The following TASP1 variants were observed in gnomAD, a reference collection of about 807,000 sequenced individuals.
TASP1 encodes taspase 1.
A neutral mutation model predicts 56.6 loss-of-function variants in TASP1; 16 were observed. The ratio of observed to expected loss-of-function variants is 0.28; its 90% CI spans 0.19 to 0.43. The LOEUF is 0.43. TASP1 is among the 20% of genes least tolerant of loss of function. The pLI, the probability that TASP1 is intolerant of heterozygous loss-of-function variation, is 1.00. For synonymous variants in TASP1, 179 were observed against 184.2 expected, an observed-to-expected ratio of 0.97 and a Z score of 0.23; for missense variants, 393 against 511.6, an observed-to-expected ratio of 0.77 and a Z score of 2.24.
chr20:13,483,096 C>A, intron 11 of TASP1, 131 bp downstream of exon 11: 1 of 565,576 alleles, frequency 1.8e-6, no homozygotes, highest in Admixed American at 3.6e-5. Context: ...TCAGTATTAA[C>A]TGTGGTTCTT....
the TASP1 span, among the ~76,000 whole-genome samples, chr20:13,371,966 C>T: frequency 2.6e-5 from 4 of 152,138 alleles, no homozygotes; most frequent in African/African-American, 9.7e-5. Flanking sequence ...GCCATTACAA[C>T]TTCCATGTGA....
the TASP1 span, among the ~76,000 whole-genome samples, chr20:13,335,410 A>G: frequency 6.6e-6 from 1 of 151,954 alleles, no homozygotes; most frequent in Non-Finnish European, 1.5e-5. Flanking sequence ...AATAGTACAA[A>G]GAAAAGGCCT....
chr20:13,179,117 G>T, the TASP1 span, among the ~76,000 whole-genome samples: 58 of 152,042 alleles, frequency 3.8e-4, no homozygotes, highest in Non-Finnish European at 7.4e-4. Flanking sequence ...ATGAATTGAG[G>T]ATACTACAAA....
At chr20:13,520,848 G>C (rs1003598686) in intron 10 of TASP1, among the ~76,000 whole-genome samples, 15 of 152,216 alleles carry the variant, frequency 9.9e-5, no homozygotes, top group Non-Finnish European at 1.9e-4. Context: ...CCTATAGAAT[G>C]GGAGAAAATT....
At chr20:13,523,329 T>C (rs1384738128) in intron 10 of TASP1, among the ~76,000 whole-genome samples, 1 of 152,130 alleles carries the variant, frequency 6.6e-6, no homozygotes, top group African/African-American at 2.4e-5. Flanking sequence ...CTGCCTGCCT[T>C]CCACATACCC....
chr20:13,401,804 C>T lies in TASP1; in HGVS notation c.1171-11352G>A, dbSNP rs78837863. Among the ~76,000 whole-genome samples the T allele has an allele frequency of 6.2e-3, 944 of 152,216 alleles. 8 individuals carry two copies. The highest frequency in any genetic ancestry group is 0.021 in the African/African-American group (892 of 41,530). ...TTTTTAAGTACATTTGTCTCATTTA[C>T]ATGTCATGGTTATATGTCCTGTGAG... is the stretch of plus-strand genomic sequence containing the variant. On this transcript the variant is annotated intron_variant, in intron 13 of 13. Coordinates refer to ENST00000337743, the MANE Select transcript of TASP1 (RefSeq NM_017714.3).
At chr20:13,310,616 C>A in the TASP1 span, among the ~76,000 whole-genome samples, 1 of 152,124 alleles carries the variant, frequency 6.6e-6, no homozygotes, top group Non-Finnish European at 1.5e-5. Context: ...AGGAAGCAAT[C>A]AACAGAGTAA....
At chr20:13,137,851 C>T in the TASP1 span, among the ~76,000 whole-genome samples, 1 of 152,100 alleles carries the variant, frequency 6.6e-6, no homozygotes, top group Admixed American at 6.6e-5. Context: ...TCATATTTGC[C>T]CCTTCACCAC....
At chr20:13,248,962 G>A in the TASP1 span, among the ~76,000 whole-genome samples, 4 of 152,142 alleles carry the variant, frequency 2.6e-5, no homozygotes, top group East Asian at 3.9e-4. Context: ...CTTCTTAAGC[G>A]GCTTGTACAG....
chr20:13,445,846 T>G (rs1568812151), intron 11 of TASP1, among the ~76,000 whole-genome samples: 1 of 152,162 alleles, frequency 6.6e-6, no homozygotes, highest in East Asian at 1.9e-4. Context: ...GCAGGTAGGG[T>G]GGTATAGATG....
In TASP1 at chr20:13,623,462, G is replaced by A. The variant is rs1209962065; in HGVS notation, c.266C>T (p.Ala89Val). Residue 89 changes from alanine to valine, a missense_variant, in exon 4 of 14, where the codon GCA becomes GTA. This residue lies in a region of TASP1 where 48 missense variants were observed against 106.2 expected (regional missense o/e 0.45). Transcript: ENST00000337743. ...GALATDAVTA[A>V]LVELEDSPFT... ...AAGAAATACCTCAAGTTCCACCAGT[G>A]CTGCAGTGACTGCGTCAGTTGCAAG... 5.6e-6 allele frequency: 9 copies of A among 1,607,510 alleles called. No homozygotes were observed. The highest frequency in any genetic ancestry group is 6.8e-6 in the Non-Finnish European group (8 of 1,174,586).
chr20:13,222,023 C>T, the TASP1 span: 1 of 1,034,388 alleles, frequency 9.7e-7, no homozygotes. Context: ...CCTGCCCCAC[C>T]TAAGAGCAAC....
At chr20:13,550,425 T>C (rs2045943974) in intron 8 of TASP1, among the ~76,000 whole-genome samples, 1 of 152,066 alleles carries the variant, frequency 6.6e-6, no homozygotes, top group African/African-American at 2.4e-5. Context: ...GCTCATCCAG[T>C]AATCAAGATA....
intron 8 of TASP1, among the ~76,000 whole-genome samples, chr20:13,557,572 GTTTTTTTT>G (rs972801507): frequency 1.0e-5 from 1 of 99,762 alleles, no homozygotes; most frequent in East Asian, 2.9e-4. Flanking sequence ...GATGTTTTTG[GTTTTTTTT>G]TTTTTTTTTT....
intron 7 of TASP1, among the ~76,000 whole-genome samples, chr20:13,562,446 CAAAT>C (rs940578604): frequency 8.6e-5 from 13 of 151,226 alleles, no homozygotes; most frequent in African/African-American, 3.2e-4. Context: ...TAGAGAAAAA[CAAAT>C]AAAACCAAAA....
At chr20:13,563,373 A>G (rs957843763) in intron 7 of TASP1, among the ~76,000 whole-genome samples, 1 of 152,008 alleles carries the variant, frequency 6.6e-6, no homozygotes, top group African/African-American at 2.4e-5. Context: ...AACAACAAAC[A>G]CCAAAAACAT....
At chr20:13,246,281 A>T in the TASP1 span, among the ~76,000 whole-genome samples, 26 of 152,102 alleles carry the variant, frequency 1.7e-4, no homozygotes, top group African/African-American at 6.3e-4. Flanking sequence ...TCAAAAAAAA[A>T]AAAAAAGCTT....
At chr20:13,302,417 TG>T in the TASP1 span, among the ~76,000 whole-genome samples, 1 of 152,198 alleles carries the variant, frequency 6.6e-6, no homozygotes, top group African/African-American at 2.4e-5. Flanking sequence ...AATGCTTTAG[TG>T]GGCCAATGAG....
chr20:13,188,122 C>T, the TASP1 span, among the ~76,000 whole-genome samples: 1 of 152,160 alleles, frequency 6.6e-6, no homozygotes, highest in Non-Finnish European at 1.5e-5. Context: ...AATTGAAAGC[C>T]TTTCCTCTAA....
Sources: allele counts gnomAD v4.1 joint callset (sites outside exome capture counted in the v4.1 genomes callset), GRCh38; gene constraint gnomAD v4.1.1; regional missense constraint gnomAD v4.1.1; transcripts MANE v1.5; gene names NCBI Gene and HGNC (gene_info 2026-07-23, HGNC 2026-07-21).